Variants in TMEM80 observed in about 807,000 individuals in gnomAD.
The protein encoded by TMEM80 is transmembrane protein 80.
In TMEM80, 16 loss-of-function variants were observed where a neutral mutation model predicts 13.6. The ratio of observed to expected loss-of-function variants is 1.17; its 90% CI spans 0.79 to 1.78. The LOEUF is 1.78. Ranked by LOEUF, TMEM80 falls within the 40% of genes most tolerant of loss-of-function variation. TMEM80 has a pLI of 0.00. For synonymous variants in TMEM80, 92 were observed against 89.5 expected, an observed-to-expected ratio of 1.03 and a Z score of -0.16; for missense variants, 167 against 184.6, an observed-to-expected ratio of 0.90 and a Z score of 0.55.
Position 703,872 on chromosome 11 carries a change from TC to T in TMEM80, c.*723del, listed in dbSNP as rs1331181786. Reference sequence around the variant, plus strand: ...GAGAGAGAGCAGCGGAGGGCCACATTCGGAGCCTCCGTCCACTCCAGTTTTA... The same window carrying T: ...GAGAGAGAGCAGCGGAGGGCCACATTGGAGCCTCCGTCCACTCCAGTTTTA... On this transcript the variant is annotated 3_prime_UTR_variant, in exon 5 of 5. Coordinates refer to ENST00000397510, the MANE Select transcript of TMEM80 (RefSeq NM_001042463.3). 1 of 1,237,136 alleles carries T rather than the reference TC, an allele frequency of 8.1e-7. No homozygotes were observed. The highest frequency in any genetic ancestry group is 1.0e-6 in the Non-Finnish European group (1 of 991,892). 76.6% of individuals were successfully genotyped at this position (1,237,136 alleles called of 1,614,324 possible). A position where few individuals can be genotyped will look rare whatever the true frequency, so the allele number is the denominator to read the frequency against.
At chr11:702,798 G>T in intron 4 of TMEM80, 147 bp from the exon 5 acceptor site, 1 of 738,922 alleles carries the variant, frequency 1.4e-6, no homozygotes, top group East Asian at 2.8e-5. Flanking sequence ...GGTGGCCATG[G>T]AGGCTGTTTC....
intron 2 of TMEM80, chr11:699,879 A>T: frequency 2.2e-6 from 1 of 454,562 alleles, no homozygotes; most frequent in Non-Finnish European, 3.9e-6. Flanking sequence ...GTCCACAGTC[A>T]GGAGGGCAGG....
At chr11:704,566 TG>T (rs1428790690), downstream of TMEM80, 1 of 1,289,082 alleles carries the variant, frequency 7.8e-7, no homozygotes, top group East Asian at 5.6e-5. Flanking sequence ...ACCTGCCATC[TG>T]GAGGACCCAG....
chr11:700,952 T>C, intron 4 of TMEM80: 1 of 556,614 alleles, frequency 1.8e-6, no homozygotes, highest in South Asian at 2.1e-5. Flanking sequence ...GCATGTCTTG[T>C]AGAAGCCACT....
intron 1 of TMEM80, among the ~76,000 whole-genome samples, chr11:698,321 G>T (rs566385168): frequency 3.3e-5 from 5 of 152,280 alleles, no homozygotes; most frequent in African/African-American, 1.2e-4. Flanking sequence ...GTGGGAGAAG[G>T]CCCAAGAGGT....
In TMEM80 at chr11:703,133, G is replaced by A. The variant is rs375407312; in HGVS notation, c.415G>A (p.Ala139Thr). 1.4e-5 allele frequency: 23 copies of A among 1,608,204 alleles called. No individual in the cohort carries two copies. The highest frequency in any genetic ancestry group is 2.2e-5 in the East Asian group (1 of 44,726). Residue 139 changes from alanine to threonine, a missense_variant, in exon 5 of 5, where the codon GCG becomes ACG. Transcript: ENST00000397510. ...GGCCGTCCTGCAGGTGGTTGCCATC[G>A]CGGCCTTCACCAGGTAGCTACGGAC... Reference protein sequence around the residue: ...LEAVLQVVAIAAFTR With the variant: ...LEAVLQVVAITAFTR
rs757190421 is a variant in TMEM80, at chr11:700,192, C to T, written c.90C>T (p.Tyr30=). 19 of 1,614,032 alleles carry T rather than the reference C, an allele frequency of 1.2e-5. No individual in the cohort carries two copies. The highest frequency in any genetic ancestry group is 1.1e-4 in the South Asian group (10 of 91,086). ...TGTTTTATCTCAGCGGAACGTACTA[C>T]GCCCTGTATTTCCTCGCCACGCTCC... The part of the protein sequence containing the change: ...QMLFYLSGTY[Y]ALYFLATLLM... The change falls in exon 3 of 5, where the codon TAC becomes TAT. Residue 30 remains tyrosine (Y), a synonymous_variant. Coordinates refer to ENST00000397510, the MANE Select transcript of TMEM80 (RefSeq NM_001042463.3).
chr11:702,746 C>T (rs973519588), intron 4 of TMEM80, among the ~76,000 whole-genome samples, 199 bp from the exon 5 acceptor site: 8 of 152,232 alleles, frequency 5.3e-5, no homozygotes, highest in Admixed American at 5.2e-4. Flanking sequence ...AGGAGGGGCT[C>T]ACGCCTGTGT....
Position 703,485 on chromosome 11 carries a change from C to T in TMEM80, c.*335C>T, listed in dbSNP as rs139893832. 9.7e-4 allele frequency: 1,222 copies of T among 1,255,478 alleles called. 1 individual carries two copies. Among genetic ancestry groups the T allele is most frequent in the Middle Eastern group, 1.5e-3 (5 of 3,284 alleles). 77.8% of individuals were successfully genotyped at this position (1,255,478 alleles called of 1,614,324 possible). On this transcript the variant is annotated 3_prime_UTR_variant, in exon 5 of 5. Coordinates refer to ENST00000397510, the MANE Select transcript of TMEM80 (RefSeq NM_001042463.3). ...ACAGACCCCCATGGGCCCCCAGGGCCGAGAGGGAGGACAGAGCCCTTCAGA... is the reference window on the plus strand; with the variant it reads ...ACAGACCCCCATGGGCCCCCAGGGCTGAGAGGGAGGACAGAGCCCTTCAGA...
intron 4 of TMEM80, among the ~76,000 whole-genome samples, chr11:702,278 C>T (rs1386782033): frequency 6.6e-6 from 1 of 152,262 alleles, no homozygotes; most frequent in Admixed American, 6.5e-5. Context: ...GAGCTTGCCC[C>T]CCAGGGCGGG....
At chr11:698,254 A>G (rs1197427025) in intron 1 of TMEM80, among the ~76,000 whole-genome samples, 1 of 152,056 alleles carries the variant, frequency 6.6e-6, no homozygotes, top group Non-Finnish European at 1.5e-5. Context: ...TCAGAATCAA[A>G]AAGGAGGAAA....
intron 4 of TMEM80, 200 bp downstream of exon 4, chr11:700,907 T>G: frequency 1.6e-6 from 1 of 617,698 alleles, no homozygotes; most frequent in South Asian, 1.9e-5. Flanking sequence ...CAAATAACAC[T>G]GGGGGCATCG....
At chr11:697,016 G>GC (rs796824918) in intron 1 of TMEM80, among the ~76,000 whole-genome samples, 1 of 148,486 alleles carries the variant, frequency 6.7e-6, no homozygotes, top group African/African-American at 2.5e-5. Context: ...TGGTGGTGGT[G>GC]GGGGGGGTGG....
At chr11:698,982 T>A in intron 2 of TMEM80, 94 bp downstream of exon 2, 2 of 1,474,030 alleles carry the variant, frequency 1.4e-6, no homozygotes, top group South Asian at 1.1e-5. Context: ...TTTCCCTAAG[T>A]TCTGTCTAGT....
downstream of TMEM80, chr11:704,880 C>T: frequency 2.8e-6 from 1 of 356,912 alleles, no homozygotes; most frequent in South Asian, 2.1e-5. Flanking sequence ...CACTTGGCCA[C>T]TCCCAGCTCT....
At chr11:700,382 C>T (rs1861392727) in intron 3 of TMEM80, 147 bp downstream of exon 3, 3 of 805,890 alleles carry the variant, frequency 3.7e-6, no homozygotes, top group Non-Finnish European at 6.0e-6. Context: ...CAAAAAGTAG[C>T]CGGGCGTGGT....
At position 704,075 on chromosome 11, in the gene TMEM80, G is replaced by A. The variant is rs1474008767; in HGVS notation, c.*925G>A. 1 of 1,130,022 alleles carries A rather than the reference G, an allele frequency of 8.8e-7. No homozygotes were observed. The allele number at this position is 1,130,022 out of a possible 1,614,324, so 70.0% of individuals were successfully genotyped here. On this transcript the variant is annotated 3_prime_UTR_variant, in exon 5 of 5. Transcript: ENST00000397510. ...TGGAATAATTACACCCAAATATCTA[G>A]ATATTTTCTCTTCACCGCATTTTGT...
chr11:704,716 T>C, downstream of TMEM80: 1 of 1,195,310 alleles, frequency 8.4e-7, no homozygotes, highest in Non-Finnish European at 1.1e-6. Flanking sequence ...GGGAACGCCA[T>C]GGCTCCAGGT....
At chr11:701,346 G>C (rs1257752808) in intron 4 of TMEM80, among the ~76,000 whole-genome samples, 1 of 149,572 alleles carries the variant, frequency 6.7e-6, no homozygotes, top group African/African-American at 2.5e-5. Context: ...CTGCCACCAC[G>C]CCCAGCTAAT....
Sources: gnomAD v4.1 joint callset for allele counts (sites outside exome capture counted in the v4.1 genomes callset) on GRCh38, gnomAD v4.1.1 for gene constraint, MANE v1.5 for transcripts, NCBI Gene and HGNC (gene_info 2026-07-23, HGNC 2026-07-21) for gene names.